Variants in ESRRG observed in about 807,000 individuals in gnomAD.
ESRRG encodes estrogen-related receptor gamma.
ESRRG carries 13 observed loss-of-function variants against 44.0 expected under a neutral mutation model. The ratio of observed to expected loss-of-function variants is 0.30; its 90% CI spans 0.19 to 0.47. The LOEUF (loss-of-function observed/expected upper bound fraction) is 0.47, where lower values mean the gene tolerates loss of function less well. Among genes scored for constraint, ESRRG ranks in the 20% least tolerant of loss-of-function variants. The pLI is 1.00. For missense variants in ESRRG, 395 were observed against 580.6 expected, an observed-to-expected ratio of 0.68 and a Z score of 3.29; for synonymous variants, 215 against 214.6, an observed-to-expected ratio of 1.00 and a Z score of -0.02.
At chr1:216,699,958 G>T (rs2081058473) in intron 1 of ESRRG, among the ~76,000 whole-genome samples, 1 of 152,132 alleles carries the variant, frequency 6.6e-6, no homozygotes, top group African/African-American at 2.4e-5. Flanking sequence ...ATCAGAAAAG[G>T]TATATGACCT....
intron 2 of ESRRG, among the ~76,000 whole-genome samples, chr1:216,903,730 A>G (rs1388480339): frequency 2.0e-5 from 3 of 151,986 alleles, no homozygotes; most frequent in Non-Finnish European, 4.4e-5. Context: ...GAGGATGAGG[A>G]CAGGGGATGT....
chr1:216,511,612 T>TA (rs911710386), intron 6 of ESRRG, among the ~76,000 whole-genome samples: 1 of 150,908 alleles, frequency 6.6e-6, no homozygotes, highest in African/African-American at 2.4e-5. Flanking sequence ...CCCAGCTCCG[T>TA]ACTTATGTAG....
chr1:217,054,986 C>G (rs768120480), intron 1 of ESRRG, among the ~76,000 whole-genome samples: 6 of 152,094 alleles, frequency 3.9e-5, no homozygotes, highest in Admixed American at 6.6e-5. Context: ...TGGGCACAGG[C>G]AGAGGTGAAT....
intron 2 of ESRRG, among the ~76,000 whole-genome samples, chr1:216,673,801 T>G (rs2075627411): frequency 6.6e-6 from 1 of 152,200 alleles, no homozygotes; most frequent in African/African-American, 2.4e-5. Context: ...CCCTCAACCC[T>G]AAAAATTGTT....
intron 2 of ESRRG, among the ~76,000 whole-genome samples, chr1:216,658,666 C>CA (rs3040932): frequency 1.2e-3 from 160 of 130,328 alleles, no homozygotes; most frequent in Middle Eastern, 4.0e-3. Context: ...ACTAAAAATA[C>CA]AAAAAAAAAA....
intron 2 of ESRRG, among the ~76,000 whole-genome samples, chr1:216,857,337 C>T (rs17683526): frequency 0.011 from 1,722 of 151,096 alleles, 11 homozygotes; most frequent in Non-Finnish European, 0.016. Flanking sequence ...CATTCCTTTC[C>T]TATTCTCCCT....
chr1:216,884,690 G>T (rs1301459128), intron 2 of ESRRG, among the ~76,000 whole-genome samples: 1 of 152,206 alleles, frequency 6.6e-6, no homozygotes, highest in Non-Finnish European at 1.5e-5. Flanking sequence ...GATCCAAAGA[G>T]AAATGGACAT....
At chr1:217,117,887 C>T (rs375664416) in intron 1 of ESRRG, among the ~76,000 whole-genome samples, 16 of 152,180 alleles carry the variant, frequency 1.1e-4, no homozygotes, top group Admixed American at 8.5e-4. Flanking sequence ...AGAGGTCAAG[C>T]AGATGATGTG....
chr1:216,621,904 T>C (rs931817308), intron 3 of ESRRG, among the ~76,000 whole-genome samples: 2 of 152,130 alleles, frequency 1.3e-5, no homozygotes, highest in Non-Finnish European at 2.9e-5. Context: ...AGGGCCCTCA[T>C]TGTTTGACAC....
Position 216,942,236 on chromosome 1 carries a change from G to T in ESRRG, c.-105-2563C>A, listed in dbSNP as rs75724159. 5.6e-4 allele frequency among the ~76,000 whole-genome samples: 86 copies of T among 152,222 alleles called. 1 individual carries two copies. Among genetic ancestry groups the T allele is most frequent in the African/African-American group, 2.0e-3 (82 of 41,536 alleles). On this transcript the variant is annotated intron_variant, in intron 1 of 7. Transcript: ENST00000359162. Reference sequence around the variant, plus strand: ...CAGCTGCATCCACGTTGCTGCAAAGGACATGATTTCATTCTTTTTTATGGC... The same window carrying T: ...CAGCTGCATCCACGTTGCTGCAAAGTACATGATTTCATTCTTTTTTATGGC...
chr1:216,771,853 G>A (rs1396644584), intron 2 of ESRRG, among the ~76,000 whole-genome samples: 4 of 143,456 alleles, frequency 2.8e-5, no homozygotes, highest in African/African-American at 1.0e-4. Flanking sequence ...TAGCTAATGA[G>A]GTAAAAATTT....
At chr1:217,134,359 T>C (rs2093017236) in intron 1 of ESRRG, among the ~76,000 whole-genome samples, 1 of 152,140 alleles carries the variant, frequency 6.6e-6, no homozygotes, top group Admixed American at 6.5e-5. Context: ...AACTGCGACA[T>C]CTACAGAGGA....
chr1:216,591,759 G>A (rs1470246167), intron 3 of ESRRG, among the ~76,000 whole-genome samples: 1 of 151,880 alleles, frequency 6.6e-6, no homozygotes, highest in Non-Finnish European at 1.5e-5. Context: ...GAAAAATCTG[G>A]GACAATTTGA....
At chr1:216,818,190 A>G (rs972793391) in intron 2 of ESRRG, among the ~76,000 whole-genome samples, 1 of 152,230 alleles carries the variant, frequency 6.6e-6, no homozygotes, top group Admixed American at 6.5e-5. Context: ...GGGAAGAAGA[A>G]AAGTTGTCAT....
chr1:216,768,431 T>C (rs113750460), intron 2 of ESRRG, among the ~76,000 whole-genome samples: 1 of 146,444 alleles, frequency 6.8e-6, no homozygotes, highest in Admixed American at 6.9e-5. Context: ...TAAATAGATA[T>C]AGATAGATCT....
chr1:216,671,424 C>A (rs1177949553), intron 2 of ESRRG, among the ~76,000 whole-genome samples: 1 of 152,194 alleles, frequency 6.6e-6, no homozygotes, highest in African/African-American at 2.4e-5. Flanking sequence ...TGGAAGGTGA[C>A]ATACCTGTCC....
intron 5 of ESRRG, among the ~76,000 whole-genome samples, chr1:216,532,291 C>T (rs1038116071): frequency 1.3e-5 from 2 of 152,090 alleles, no homozygotes; most frequent in South Asian, 2.1e-4. Context: ...TACTTTTCCA[C>T]TTAATTAGAT....
At chr1:216,751,511 C>CCCCTTTCATCATTTCTCTCCTGT (rs2092003276) in intron 2 of ESRRG, among the ~76,000 whole-genome samples, 1 of 152,024 alleles carries the variant, frequency 6.6e-6, no homozygotes, top group South Asian at 2.1e-4. Flanking sequence ...GCTGTGCAAA[C>CCCCTTTCATCATTTCTCTCCTGT]CCCTTTCATC....
At chr1:216,837,677 A>C (rs1374007170) in intron 2 of ESRRG, among the ~76,000 whole-genome samples, 3 of 152,194 alleles carry the variant, frequency 2.0e-5, no homozygotes, top group African/African-American at 7.2e-5. Flanking sequence ...AGAGCTAAAA[A>C]GCAGGCTGAT....
Sources: gnomAD v4.1 joint callset for allele counts (sites outside exome capture counted in the v4.1 genomes callset) on GRCh38, gnomAD v4.1.1 for gene constraint, MANE v1.5 for transcripts, NCBI Gene and HGNC (gene_info 2026-07-23, HGNC 2026-07-21) for gene names.